Variants in ZNF804B observed in about 807,000 individuals in gnomAD.
ZNF804B encodes the protein zinc finger 804B.
ZNF804B carries 80 observed loss-of-function variants against 101.4 expected under a neutral mutation model. The observed-to-expected ratio is 0.79, with a 90% confidence interval of 0.66 to 0.95. The LOEUF (loss-of-function observed/expected upper bound fraction) is 0.95, where lower values mean the gene tolerates loss of function less well. Ranked by LOEUF, ZNF804B falls within the 40% of genes least tolerant of loss-of-function variation. ZNF804B has a pLI of 0.00. For synonymous variants in ZNF804B, 622 were observed against 558.8 expected (o/e 1.11, Z -1.59); for missense variants, 1,673 against 1,561.9 (o/e 1.07, Z -1.20).
chr7:88,809,337 AT>A (rs1454153454), intron 1 of ZNF804B, among the ~76,000 whole-genome samples: 12 of 147,948 alleles, frequency 8.1e-5, no homozygotes, highest in Middle Eastern at 3.6e-3. Context: ...CTATCTATCT[AT>A]CTATCTATCT....
At chr7:88,913,602 G>C (rs1792585478) in intron 1 of ZNF804B, among the ~76,000 whole-genome samples, 1 of 152,152 alleles carries the variant, frequency 6.6e-6, no homozygotes, top group Non-Finnish European at 1.5e-5. Context: ...CACCATCTTG[G>C]CCAGGCTGGT....
intron 1 of ZNF804B, among the ~76,000 whole-genome samples, chr7:88,952,909 A>G (rs1306489702): frequency 2.0e-5 from 3 of 151,814 alleles, no homozygotes; most frequent in Admixed American, 2.0e-4. Flanking sequence ...AAGAATACTG[A>G]TCACATGGTA....
At chr7:89,106,827 A>G (rs1022818270) in intron 1 of ZNF804B, among the ~76,000 whole-genome samples, 1 of 152,174 alleles carries the variant, frequency 6.6e-6, no homozygotes, top group Non-Finnish European at 1.5e-5. Context: ...GTGGCAGAAC[A>G]GAGAATATCC....
At chr7:89,332,429 A>C (rs1790999903) in intron 3 of ZNF804B, among the ~76,000 whole-genome samples, 1 of 144,026 alleles carries the variant, frequency 6.9e-6, no homozygotes, top group Admixed American at 6.9e-5. Context: ...ATAAGCAAAC[A>C]AACACATCCA....
At chr7:89,030,061 T>C (rs898283656) in intron 1 of ZNF804B, among the ~76,000 whole-genome samples, 1 of 152,088 alleles carries the variant, frequency 6.6e-6, no homozygotes, top group East Asian at 1.9e-4. Context: ...ATTAAATTCT[T>C]TGGGTGAAGG....
chr7:88,775,623 G>T (rs1790130384), intron 1 of ZNF804B, among the ~76,000 whole-genome samples: 1 of 152,136 alleles, frequency 6.6e-6, no homozygotes, highest in African/African-American at 2.4e-5. Flanking sequence ...CCAAAGTTGA[G>T]TCATCACTAA....
intron 1 of ZNF804B, among the ~76,000 whole-genome samples, chr7:88,868,731 G>A (rs1028469938): frequency 5.3e-5 from 8 of 152,146 alleles, no homozygotes; most frequent in Admixed American, 2.6e-4. Context: ...AACATATTGG[G>A]TCAAATTTAC....
At chr7:88,995,230 G>A (rs527931416) in intron 1 of ZNF804B, among the ~76,000 whole-genome samples, 8 of 152,004 alleles carry the variant, frequency 5.3e-5, no homozygotes, top group African/African-American at 1.9e-4. Context: ...AAAATAGATA[G>A]GTCAAGGATG....
chr7:89,122,462 A>G (rs1375864817), intron 1 of ZNF804B, among the ~76,000 whole-genome samples: 3 of 152,186 alleles, frequency 2.0e-5, no homozygotes, highest in African/African-American at 4.8e-5. Context: ...GTGGGAGAAG[A>G]TGAAAAATCA....
intron 1 of ZNF804B, among the ~76,000 whole-genome samples, chr7:89,127,927 G>A (rs1790497192): frequency 1.3e-5 from 2 of 151,460 alleles, no homozygotes; most frequent in Admixed American, 6.6e-5. Context: ...AAAAACTTCA[G>A]GATTTTTTTC....
At chr7:89,298,031 G>T (rs1790410550) in intron 2 of ZNF804B, among the ~76,000 whole-genome samples, 1 of 141,470 alleles carries the variant, frequency 7.1e-6, no homozygotes, top group Admixed American at 7.2e-5. Flanking sequence ...GTTAACCTAT[G>T]CCCATATGTC....
intron 1 of ZNF804B, among the ~76,000 whole-genome samples, chr7:88,904,896 G>C (rs1792445319): frequency 6.6e-6 from 1 of 152,116 alleles, no homozygotes; most frequent in East Asian, 1.9e-4. Flanking sequence ...TCAGTGAAAA[G>C]AGATAGTTTG....
At chr7:89,272,133 A>G (rs1295412063) in intron 2 of ZNF804B, among the ~76,000 whole-genome samples, 1 of 151,980 alleles carries the variant, frequency 6.6e-6, no homozygotes, top group Non-Finnish European at 1.5e-5. Context: ...CATTCTCCCA[A>G]CATATCATTC....
At chr7:89,254,122 A>T (rs1562928976) in intron 2 of ZNF804B, among the ~76,000 whole-genome samples, 1 of 152,188 alleles carries the variant, frequency 6.6e-6, no homozygotes, top group Non-Finnish European at 1.5e-5. Context: ...TTTCTATTTA[A>T]CATTGCATTG....
intron 1 of ZNF804B, among the ~76,000 whole-genome samples, chr7:89,103,037 C>T (rs1473238058): frequency 1.1e-5 from 1 of 93,372 alleles, no homozygotes; most frequent in Admixed American, 1.1e-4. Flanking sequence ...ATTCCATTGA[C>T]CTATGTGTCT....
intron 1 of ZNF804B, among the ~76,000 whole-genome samples, chr7:89,165,240 C>A (rs1328834198): frequency 6.6e-6 from 1 of 152,014 alleles, no homozygotes; most frequent in Non-Finnish European, 1.5e-5. Flanking sequence ...TGGGGTATTA[C>A]ATTTACCACT....
intron 1 of ZNF804B, among the ~76,000 whole-genome samples, chr7:89,115,783 A>G (rs1180579288): frequency 6.6e-6 from 1 of 152,232 alleles, no homozygotes; most frequent in Non-Finnish European, 1.5e-5. Flanking sequence ...TGTAGTTTTT[A>G]GCCTATTGCA....
intron 1 of ZNF804B, among the ~76,000 whole-genome samples, chr7:88,828,147 G>GA (rs1791075084): frequency 6.6e-6 from 1 of 152,034 alleles, no homozygotes; most frequent in South Asian, 2.1e-4. Context: ...GCACTCTAAT[G>GA]CTTTCTGATG....
intron 2 of ZNF804B, among the ~76,000 whole-genome samples, chr7:89,274,249 C>A (rs5012128): frequency 0.27 from 37,538 of 138,894 alleles, 5,331 homozygotes; most frequent in South Asian, 0.32. Flanking sequence ...CATGCTGGTG[C>A]GCTGCACCCA....
Sources: allele counts gnomAD v4.1 joint callset (sites outside exome capture counted in the v4.1 genomes callset), GRCh38; gene constraint gnomAD v4.1.1; transcripts MANE v1.5; gene names NCBI Gene and HGNC (gene_info 2026-07-23, HGNC 2026-07-21).